The following WNK2 variants were observed in gnomAD, a reference collection of about 807,000 sequenced individuals.
The protein encoded by WNK2 is WNK lysine deficient protein kinase 2.
In WNK2, 67 loss-of-function variants were observed where a neutral mutation model predicts 192.1. The ratio of observed to expected loss-of-function variants is 0.35; its 90% CI spans 0.29 to 0.43. The LOEUF is 0.43. Ranked by LOEUF, WNK2 falls within the 20% of genes least tolerant of loss-of-function variation. WNK2 has a pLI of 1.00. For synonymous variants in WNK2, 1,439 were observed against 1,393.9 expected (o/e 1.03, Z -0.72); for missense variants, 2,698 against 3,089.7 (o/e 0.87, Z 3.01).
intron 4 of WNK2, 46 bp from the exon 5 acceptor site, chr9:93,234,762 G>C (rs1306771222): frequency 1.3e-6 from 2 of 1,587,854 alleles, no homozygotes; most frequent in African/African-American, 2.7e-5. Flanking sequence ...AGCTCTTCCT[G>C]GGCCCGTGGC....
chr9:93,207,738 A>C (rs920946177), intron 2 of WNK2, among the ~76,000 whole-genome samples: 5 of 152,258 alleles, frequency 3.3e-5, no homozygotes, highest in African/African-American at 1.2e-4. Flanking sequence ...CAGTGCCTGC[A>C]ACAGGGAGGC....
At chr9:93,223,581 C>T (rs760922696) in intron 2 of WNK2, among the ~76,000 whole-genome samples, 2 of 152,254 alleles carry the variant, frequency 1.3e-5, no homozygotes, top group African/African-American at 2.4e-5. Context: ...CGACTCCAGA[C>T]AGAGCATGGG....
At chr9:93,311,397 T>TA (rs746559884) in intron 28 of WNK2, among the ~76,000 whole-genome samples, 2 of 152,224 alleles carry the variant, frequency 1.3e-5, no homozygotes, top group East Asian at 3.8e-4. Context: ...GCTGTGAACA[T>TA]AGGTGTACAA....
At chr9:93,265,695 G>A (rs990228449) in intron 16 of WNK2, among the ~76,000 whole-genome samples, 4 of 152,244 alleles carry the variant, frequency 2.6e-5, no homozygotes, top group Non-Finnish European at 5.9e-5. Flanking sequence ...CACCCGTGAA[G>A]TTATCACTCA....
rs1330733844 is a variant in WNK2, at chr9:93,185,372, C to G, written c.443C>G (p.Ala148Gly). 6.3e-7 allele frequency: 1 copy of G among 1,577,928 alleles called. No homozygotes were observed. The highest frequency in any genetic ancestry group is 1.8e-5 in the Admixed American group (1 of 54,770). ...APDGGPREEAAATVRKEDEGA... is the reference protein window; with the variant it reads ...APDGGPREEAGATVRKEDEGA... ...GACGGCGGCCCCAGGGAGGAGGCGG[C>G]GGCGACCGTGAGGAAGGAGGATGAG... Residue 148 changes from alanine to glycine, a missense_variant, in exon 2 of 30, where the codon GCG becomes GGG. Ala to Gly is a moderately conservative substitution (Grantham distance 60). This residue lies in a region of WNK2 where 260 missense variants were observed against 285.6 expected (regional missense o/e 0.91). Transcript: ENST00000427277.
intron 19 of WNK2, among the ~76,000 whole-genome samples, chr9:93,272,612 C>T (rs892104408): frequency 3.9e-5 from 6 of 151,928 alleles, no homozygotes; most frequent in African/African-American, 1.4e-4. Flanking sequence ...GTGGCACATG[C>T]CTGTAGTCCC....
At position 93,184,943 on chromosome 9, in the gene WNK2, G is replaced by C; in HGVS notation, c.14G>C (p.Gly5Ala). MDGD[G>A]GRRDVPGTLM... is the part of the protein sequence containing the mutation. ...TGGCCCACAGAGATGGACGGCGATG[G>C]CGGCCGCCGAGACGTCCCCGGCACG... is the stretch of plus-strand genomic sequence containing the variant. The change falls in exon 2 of 30, where the codon GGC becomes GCC. Residue 5 changes from glycine to alanine, a missense_variant. Physicochemically the swap from Gly to Ala is moderately conservative, Grantham distance 60 (BLOSUM62 0). Transcript: ENST00000427277. 3.3e-6 allele frequency: 4 copies of C among 1,230,326 alleles called. No individual in the cohort carries two copies. Among genetic ancestry groups the C allele is most frequent in the Non-Finnish European group, 4.0e-6 (4 of 988,278 alleles). 76.2% of individuals were successfully genotyped at this position (1,230,326 alleles called of 1,614,324 possible).
In WNK2 at chr9:93,184,771, C is replaced by T. The variant is rs138367435; in HGVS notation, c.-2-157C>T. The T allele has an allele frequency of 4.3e-3, 2,471 of 580,602 alleles. 52 individuals carry two copies. Among genetic ancestry groups the T allele is most frequent in the African/African-American group, 0.042 (2,144 of 51,324 alleles). The allele number at this position is 580,602 out of a possible 1,614,324, so 36.0% of individuals were successfully genotyped here. On this transcript the variant is annotated intron_variant, in intron 1 of 29. Transcript: ENST00000427277. ...CAAGCCTCTGGTCCCGTCTGCAGCC[C>T]CCCTTTCCCAGGGCCCCCAGAGACG...
chr9:93,308,727 G>C, intron 28 of WNK2, 143 bp downstream of exon 28: 1 of 1,381,384 alleles, frequency 7.2e-7, no homozygotes, highest in Non-Finnish European at 9.5e-7. Flanking sequence ...ACAGCCCCAA[G>C]AACTAGGCTT....
intron 29 of WNK2, 88 bp from the exon 30 acceptor site, chr9:93,320,279 G>T: frequency 7.4e-7 from 1 of 1,344,632 alleles, no homozygotes. Flanking sequence ...CCCGTCGGCA[G>T]CTCCTGGGAG....
chr9:93,317,674 C>G lies in WNK2; in HGVS notation c.6628+43C>G, dbSNP rs996288143. 4.4e-6 allele frequency: 7 copies of G among 1,594,310 alleles called. No individual in the cohort carries two copies. In the African/African-American group the frequency reaches 8.0e-5, roughly 18 times the overall value. On this transcript the variant is annotated intron_variant, in intron 29 of 29. Coordinates refer to ENST00000427277, the MANE Select transcript of WNK2 (RefSeq NM_006648.4). ...CTCCCAACCCCACCCTGTGCGCTGCCTCTGGGTCAGTACAGAGGCCTGCTC... is the reference window on the plus strand; with the variant it reads ...CTCCCAACCCCACCCTGTGCGCTGCGTCTGGGTCAGTACAGAGGCCTGCTC...
At chr9:93,265,964 A>T (rs1473752602) in intron 16 of WNK2, among the ~76,000 whole-genome samples, 1 of 152,138 alleles carries the variant, frequency 6.6e-6, no homozygotes, top group East Asian at 1.9e-4. Flanking sequence ...TTCACTCAGC[A>T]CTCGGATACT....
intron 24 of WNK2, among the ~76,000 whole-genome samples, chr9:93,298,330 C>G (rs1032540655): frequency 7.2e-5 from 11 of 152,380 alleles, no homozygotes; most frequent in African/African-American, 2.2e-4. Context: ...AGGCTGTGGG[C>G]TGTGCCAGGG....
intron 8 of WNK2, among the ~76,000 whole-genome samples, chr9:93,248,434 G>A (rs1235022435): frequency 6.6e-6 from 1 of 152,264 alleles, no homozygotes; most frequent in Non-Finnish European, 1.5e-5. Flanking sequence ...TGGATCTGTG[G>A]ATTTAGGGCA....
chr9:93,267,722 C>T lies in WNK2; in HGVS notation c.3697-24C>T, dbSNP rs764483623. 4 of 1,547,028 alleles carry T rather than the reference C, an allele frequency of 2.6e-6. No individual in the cohort carries two copies. The South Asian group carries it at 3.7e-5, about 14-fold the overall frequency. ...TGGTCTTGGCCTTGCAGCTGGTCCTCACTGGCAGTATGTCCCTTTGCAGGT... is the reference window on the plus strand; with the variant it reads ...TGGTCTTGGCCTTGCAGCTGGTCCTTACTGGCAGTATGTCCCTTTGCAGGT... On this transcript the variant is annotated intron_variant, in intron 16 of 29. Coordinates refer to ENST00000427277, the MANE Select transcript of WNK2 (RefSeq NM_006648.4).
In WNK2 at chr9:93,259,363, C is replaced by G; in HGVS notation, c.2815C>G (p.Pro939Ala). 1 of 1,612,512 alleles carries G rather than the reference C, an allele frequency of 6.2e-7. No individual in the cohort carries two copies. Among genetic ancestry groups the G allele is most frequent in the Non-Finnish European group, 8.5e-7 (1 of 1,179,462 alleles). ...HHTVQNMRAT[P>A]PQPALPPQPT... ...CACGGTGCAGAATATGAGGGCCACC[C>G]CTCCACAGCCGGCACTGCCTCCACA... The change falls in exon 12 of 30, where the codon CCT becomes GCT. Residue 939 changes from proline to alanine, a missense_variant. Physicochemically the swap from Pro to Ala is conservative, Grantham distance 27. Coordinates refer to ENST00000427277, the MANE Select transcript of WNK2 (RefSeq NM_006648.4). The surrounding 1 kb of genome is among the most constrained non-coding windows in gnomAD (Gnocchi z 4.8).
intron 29 of WNK2, among the ~76,000 whole-genome samples, chr9:93,320,027 G>A (rs1017006714): frequency 4.6e-5 from 7 of 152,218 alleles, no homozygotes; most frequent in Admixed American, 2.0e-4. Context: ...TCGAGCTTCT[G>A]CATGGAGGGA....
At position 93,293,393 on chromosome 9, in the gene WNK2, C is replaced by T. The variant is rs1459313561; in HGVS notation, c.5708+220C>T. ...GGAGTGCAGTGGTGCAATCTTCGCT[C>T]GCTGCAACCTCCACCTCCCGGGTTC... is the stretch of plus-strand genomic sequence containing the variant. On this transcript the variant is annotated intron_variant, in intron 23 of 29. Transcript: ENST00000427277. 4.6e-5 allele frequency among the ~76,000 whole-genome samples: 7 copies of T among 151,068 alleles called. No individual in the cohort carries two copies. In the East Asian group the frequency reaches 5.8e-4, roughly 13 times the overall value.
intron 11 of WNK2, among the ~76,000 whole-genome samples, chr9:93,258,694 C>T (rs1330965073): frequency 6.6e-6 from 1 of 152,116 alleles, no homozygotes; most frequent in Non-Finnish European, 1.5e-5. Flanking sequence ...TCCCAGCCTG[C>T]CAACTTTCCT....
Sources: allele counts gnomAD v4.1 joint callset (sites outside exome capture counted in the v4.1 genomes callset), GRCh38; gene constraint gnomAD v4.1.1; regional missense constraint gnomAD v4.1.1; non-coding constraint Gnocchi (gnomAD v3.1); transcripts MANE v1.5; gene names NCBI Gene and HGNC (gene_info 2026-07-23, HGNC 2026-07-21).